Variants in PTPN13 observed in about 807,000 individuals in gnomAD.
PTPN13 encodes the protein protein tyrosine phosphatase non-receptor type 13.
In PTPN13, 191 loss-of-function variants were observed where a neutral mutation model predicts 284.0. The ratio of observed to expected loss-of-function variants is 0.67; its 90% CI spans 0.60 to 0.76. The LOEUF (loss-of-function observed/expected upper bound fraction) is 0.76, where lower values mean the gene tolerates loss of function less well. Ranked by LOEUF, PTPN13 falls within the 30% of genes least tolerant of loss-of-function variation. The pLI is 0.00. For missense variants in PTPN13, 2,797 were observed against 2,939.9 expected (o/e 0.95, Z 1.12); for synonymous variants, 986 against 1,022.3 (o/e 0.96, Z 0.68).
At chr4:86,670,706 G>A (rs77283980) in intron 2 of PTPN13, among the ~76,000 whole-genome samples, 7,604 of 152,196 alleles carry the variant, frequency 0.05, 260 homozygotes, top group African/African-American at 0.073. Flanking sequence ...ATTGTTTTGT[G>A]ATATCTGTGA....
At chr4:86,794,211 G>C (rs1387907020) in intron 40 of PTPN13, among the ~76,000 whole-genome samples, 1 of 151,896 alleles carries the variant, frequency 6.6e-6, no homozygotes, top group Non-Finnish European at 1.5e-5. Context: ...AAACTCTCAG[G>C]GTACAAAATC....
Position 86,735,675 on chromosome 4 carries a change from G to A in PTPN13, c.2233G>A (p.Glu745Lys), listed in dbSNP as rs1735412770. The A allele has an allele frequency of 6.2e-7, 1 of 1,613,504 alleles. No individual in the cohort carries two copies. Among genetic ancestry groups the A allele is most frequent in the African/African-American group, 1.3e-5 (1 of 75,030 alleles). ...MEKLDLSYIK[E>K]ELPKLHNTYV... ...GAAACTTGATTTATCCTATATCAAA[G>A]AAGAGTTACCCAAATTGCATAATAC... The change falls in exon 15 of 48, where the codon GAA (glutamate) becomes AAA (lysine). Residue 745 changes from glutamate (E) to lysine (K), a missense_variant. Coordinates refer to ENST00000411767, the MANE Select transcript of PTPN13 (RefSeq NM_080683.3).
chr4:86,803,582 G>C, intron 42 of PTPN13, 127 bp from the exon 43 acceptor site: 1 of 1,030,562 alleles, frequency 9.7e-7, no homozygotes, highest in Non-Finnish European at 1.4e-6. Flanking sequence ...GACAGAACAA[G>C]ATTCTATCTC....
intron 40 of PTPN13, among the ~76,000 whole-genome samples, chr4:86,788,142 T>G (rs533150302): frequency 6.6e-6 from 1 of 152,144 alleles, no homozygotes; most frequent in Non-Finnish European, 1.5e-5. Flanking sequence ...CATTTAAAAA[T>G]TTTATTTGTA....
At position 86,750,868 on chromosome 4, in the gene PTPN13, G is replaced by A. The variant is rs772835757; in HGVS notation, c.3049G>A (p.Gly1017Arg). The stretch of plus-strand genomic sequence containing the variant: ...AAGATCTGATGCAGAATCTTTGGCA[G>A]GAGTGACAAAACTTAATAAGTAAGA... ...MSRSDAESLAGVTKLNNSKSV... is the reference protein window; with the variant it reads ...MSRSDAESLARVTKLNNSKSV... The change falls in exon 18 of 48, where the codon GGA becomes AGA. Residue 1017 changes from glycine (G) to arginine (R), a missense_variant. Physicochemically the swap from Gly to Arg is moderately radical, Grantham distance 125 (BLOSUM62 -2). Transcript: ENST00000411767. 4 of 1,613,362 alleles carry A rather than the reference G, an allele frequency of 2.5e-6. No individual in the cohort carries two copies. The highest frequency in any genetic ancestry group is 1.3e-5 in the African/African-American group (1 of 75,020).
At position 86,732,632 on chromosome 4, in the gene PTPN13, A is replaced by G. The variant is rs1735072185; in HGVS notation, c.1724A>G (p.Asn575Ser). The G allele has an allele frequency of 1.5e-5, 25 of 1,613,640 alleles. No individual in the cohort carries two copies. The highest frequency in any genetic ancestry group is 2.1e-5 in the Non-Finnish European group (25 of 1,179,676). The change falls in exon 12 of 48, where the codon AAC becomes AGC. Residue 575 changes from asparagine (N) to serine (S), a missense_variant. Asn to Ser is a conservative substitution (Grantham distance 46, BLOSUM62 1). Coordinates refer to ENST00000411767, the MANE Select transcript of PTPN13 (RefSeq NM_080683.3). ...AATGAGGATAACCGAAGGAAAGTAA[A>G]CATAATGCTTCTGAACGGGCAAAGA... Reference protein sequence around the residue: ...GKNEDNRRKVNIMLLNGQRLE... With the variant: ...GKNEDNRRKVSIMLLNGQRLE...
At chr4:86,757,305 A>G (rs1412558195) in intron 20 of PTPN13, among the ~76,000 whole-genome samples, 1 of 152,214 alleles carries the variant, frequency 6.6e-6, no homozygotes, top group Non-Finnish European at 1.5e-5. Flanking sequence ...GGGCACTGAT[A>G]CTAGTTATTA....
intron 1 of PTPN13, among the ~76,000 whole-genome samples, chr4:86,611,520 G>A (rs1442109293): frequency 1.3e-5 from 2 of 152,148 alleles, no homozygotes. Flanking sequence ...TTACCCACCT[G>A]CCTGCAAAAA....
chr4:86,721,362 C>T (rs1329424859), intron 9 of PTPN13, among the ~76,000 whole-genome samples: 2 of 152,036 alleles, frequency 1.3e-5, no homozygotes, highest in Non-Finnish European at 2.9e-5. Context: ...CTGCCATGTA[C>T]TAGGTGCTTT....
chr4:86,693,396 G>T (rs1329340666), intron 5 of PTPN13, among the ~76,000 whole-genome samples, 191 bp from the exon 6 acceptor site: 3 of 151,994 alleles, frequency 2.0e-5, no homozygotes, highest in Non-Finnish European at 4.4e-5. Flanking sequence ...AAATGAATTG[G>T]CCAGCACTGG....
Position 86,785,267 on chromosome 4 carries a change from C to T in PTPN13, c.6155C>T (p.Ser2052Phe), listed in dbSNP as rs199964451. 2 of 1,585,210 alleles carry T rather than the reference C, an allele frequency of 1.3e-6. No homozygotes were observed. The highest frequency in any genetic ancestry group is 1.4e-5 in the African/African-American group (1 of 73,908). ...YIQEDDIYDD[S>F]QEAEVIQSLL... is the part of the protein sequence containing the mutation. Reference sequence around the variant, plus strand: ...CAAGAAGATGACATTTATGATGATTCCCAAGAAGCTGAAGTTATCCAGTCT... The same window carrying T: ...CAAGAAGATGACATTTATGATGATTTCCAAGAAGCTGAAGTTATCCAGTCT... Residue 2052 changes from serine to phenylalanine, a missense_variant, in exon 39 of 48, where the codon TCC becomes TTC. Ser to Phe is a radical substitution (Grantham distance 155). Transcript: ENST00000411767.
rs776832057 is a variant in PTPN13, at chr4:86,772,935, A to G, written c.5326A>G (p.Asn1776Asp). ...GACACCTTTGAAAAATGACTTGGAA[A>G]ATCACCTTGAAGACTTTGAACTGGT... ...NWTPLKNDLE[N>D]HLEDFELEVE... Residue 1776 changes from asparagine to aspartate, a missense_variant, in exon 32 of 48, where the codon AAT becomes GAT. Asn to Asp is a conservative substitution (Grantham distance 23). Coordinates refer to ENST00000411767, the MANE Select transcript of PTPN13 (RefSeq NM_080683.3). The G allele has an allele frequency of 3.5e-5, 56 of 1,604,836 alleles. No individual in the cohort carries two copies. The highest frequency in any genetic ancestry group is 4.7e-5 in the Non-Finnish European group (55 of 1,175,812).
chr4:86,637,110 T>A (rs1330101811), intron 2 of PTPN13, among the ~76,000 whole-genome samples: 35 of 151,754 alleles, frequency 2.3e-4, no homozygotes, highest in Admixed American at 2.3e-3. Context: ...ACACATACAC[T>A]CTCCCAAGAC....
rs937752868 is a variant in PTPN13 at position 86,808,043 on chromosome 4, A to G, written c.7083+146A>G. 8 of 703,038 alleles carry G rather than the reference A, an allele frequency of 1.1e-5. 1 individual carries two copies. Among genetic ancestry groups the G allele is most frequent in the Middle Eastern group, 2.8e-4 (1 of 3,610 alleles). The allele number at this position is 703,038 out of a possible 1,614,324, so 43.5% of individuals were successfully genotyped here. A position where few individuals can be genotyped will look rare whatever the true frequency, so the allele number is the denominator to read the frequency against. On this transcript the variant is annotated intron_variant, in intron 45 of 47. Coordinates refer to ENST00000411767, the MANE Select transcript of PTPN13 (RefSeq NM_080683.3). ...CCATGCAATGGAACTAATGCTAGCT[A>G]TTTTTTCTTTATGTAATATAAGTTT...
chr4:86,784,706 A>T (rs1741704381), intron 38 of PTPN13, 148 bp downstream of exon 38: 2 of 598,538 alleles, frequency 3.3e-6, no homozygotes, highest in African/African-American at 1.9e-5. Flanking sequence ...AAAGAACAAT[A>T]TATAAATGTC....
At chr4:86,719,735 G>T (rs1343677613) in intron 9 of PTPN13, among the ~76,000 whole-genome samples, 1 of 152,120 alleles carries the variant, frequency 6.6e-6, no homozygotes, top group Non-Finnish European at 1.5e-5. Context: ...GTGATATGAA[G>T]CTTTTTTCAA....
In PTPN13 at chr4:86,701,550, C is replaced by T; in HGVS notation, c.944C>T (p.Ser315Leu). 6.2e-7 allele frequency: 1 copy of T among 1,613,900 alleles called. No individual in the cohort carries two copies. Residue 315 changes from serine to leucine, a missense_variant, in exon 7 of 48, where the codon TCA becomes TTA. By Grantham distance (145) the Ser-to-Leu change is moderately radical. Transcript: ENST00000411767. ...TGTACAGCTGACAGAGACTTCTCTT[C>T]AGGAGAGACTGCCACATATCGTCGT... ...LLCTADRDFS[S>L]GETATYRRCH...
chr4:86,802,103 C>A (rs907214481), intron 42 of PTPN13, among the ~76,000 whole-genome samples: 6 of 151,248 alleles, frequency 4.0e-5, no homozygotes, highest in Non-Finnish European at 8.8e-5. Flanking sequence ...CATCTTTTCC[C>A]ATTATTTATA....
chr4:86,789,014 A>C (rs901367460), intron 40 of PTPN13, among the ~76,000 whole-genome samples: 1 of 152,226 alleles, frequency 6.6e-6, no homozygotes, highest in Admixed American at 6.5e-5. Context: ...GCTAGGAAAG[A>C]GCATTCCATA....
Sources: gnomAD v4.1 joint callset for allele counts (sites outside exome capture counted in the v4.1 genomes callset) on GRCh38, gnomAD v4.1.1 for gene constraint, MANE v1.5 for transcripts, NCBI Gene and HGNC (gene_info 2026-07-23, HGNC 2026-07-21) for gene names.